Variants in HOMER1 observed in about 807,000 individuals in gnomAD.
The protein encoded by HOMER1 is homer protein homolog 1.
In HOMER1, 3 loss-of-function variants were observed where a neutral mutation model predicts 48.9. The observed-to-expected ratio is 0.06, with a 90% CI of 0.03 to 0.16. The LOEUF is 0.16. HOMER1 is among the 10% of genes least tolerant of loss of function. The pLI is 1.00. For missense variants in HOMER1, 247 were observed against 411.4 expected, an observed-to-expected ratio of 0.60 and a Z score of 3.46; for synonymous variants, 134 against 146.4, an observed-to-expected ratio of 0.92 and a Z score of 0.61.
chr5:79,480,268 T>C (rs1415576883), intron 1 of HOMER1, among the ~76,000 whole-genome samples: 1 of 152,202 alleles, frequency 6.6e-6, no homozygotes, highest in Non-Finnish European at 1.5e-5. Context: ...AAAAACATTT[T>C]GTTGAATTCC....
At chr5:79,454,971 A>T (rs1004407456) in intron 2 of HOMER1, among the ~76,000 whole-genome samples, 2 of 151,990 alleles carry the variant, frequency 1.3e-5, no homozygotes, top group African/African-American at 4.8e-5. Flanking sequence ...TGAGGCATAC[A>T]GTTTTTTTTT....
At chr5:79,446,731 C>G (rs1750892033) in intron 4 of HOMER1, among the ~76,000 whole-genome samples, 1 of 151,748 alleles carries the variant, frequency 6.6e-6, no homozygotes, top group African/African-American at 2.4e-5. Flanking sequence ...CCTCGACCTC[C>G]CAGTCAAGTG....
At chr5:79,494,496 C>G (rs921181236) in intron 1 of HOMER1, among the ~76,000 whole-genome samples, 2 of 152,210 alleles carry the variant, frequency 1.3e-5, no homozygotes, top group African/African-American at 4.8e-5. Context: ...CTCTTGAATT[C>G]AAGCCTTGTT....
chr5:79,423,781 C>A (rs1285889327), intron 5 of HOMER1, among the ~76,000 whole-genome samples: 2 of 151,986 alleles, frequency 1.3e-5, no homozygotes, highest in African/African-American at 2.4e-5. Context: ...CTGACCACCC[C>A]TTTTACTTAA....
chr5:79,456,140 C>T (rs922219796), intron 2 of HOMER1, among the ~76,000 whole-genome samples: 23 of 124,846 alleles, frequency 1.8e-4, no homozygotes, highest in African/African-American at 5.4e-4. Flanking sequence ...AGCAAGACTC[C>T]GTCTCAAAAA....
At chr5:79,457,693 A>C (rs1421290995) in intron 1 of HOMER1, among the ~76,000 whole-genome samples, 1 of 152,202 alleles carries the variant, frequency 6.6e-6, no homozygotes, top group East Asian at 1.9e-4. Context: ...CACATAAAAC[A>C]TAGTTATGTA....
intron 1 of HOMER1, among the ~76,000 whole-genome samples, chr5:79,466,275 G>A (rs193283994): frequency 2.0e-5 from 3 of 151,912 alleles, no homozygotes; most frequent in Admixed American, 6.6e-5. Context: ...CAGCACTTTC[G>A]GAGGCTGAGA....
intron 6 of HOMER1, among the ~76,000 whole-genome samples, chr5:79,401,287 T>C (rs1749530401): frequency 6.6e-6 from 1 of 152,180 alleles, no homozygotes; most frequent in African/African-American, 2.4e-5. Context: ...TCAGTGCAAC[T>C]ACATGCCAAT....
intron 1 of HOMER1, among the ~76,000 whole-genome samples, chr5:79,458,631 T>C (rs765615040): frequency 1.3e-5 from 2 of 152,080 alleles, no homozygotes; most frequent in Non-Finnish European, 1.5e-5. Context: ...ACCTGGCACT[T>C]TCCTAGTTTT....
chr5:79,400,889 C>T (rs1326983878), intron 6 of HOMER1, among the ~76,000 whole-genome samples: 2 of 138,748 alleles, frequency 1.4e-5, no homozygotes, highest in Admixed American at 1.5e-4. Context: ...GGACTACAGG[C>T]GTGTGTCCCC....
chr5:79,460,194 T>C (rs6892339), intron 1 of HOMER1, among the ~76,000 whole-genome samples: 96,169 of 151,930 alleles, frequency 0.63, 33,645 homozygotes, highest in East Asian at 0.99. Flanking sequence ...GGGCCACGTG[T>C]GGTGGCTCAC....
intron 5 of HOMER1, among the ~76,000 whole-genome samples, chr5:79,409,050 C>T (rs1396475647): frequency 2.3e-5 from 3 of 131,412 alleles, no homozygotes; most frequent in African/African-American, 3.2e-5. Flanking sequence ...CCACTGCACT[C>T]CAGCCTGGTT....
chr5:79,447,217 G>T, intron 3 of HOMER1, 72 bp from the exon 4 acceptor site: 1 of 890,680 alleles, frequency 1.1e-6, no homozygotes, highest in Non-Finnish European at 1.8e-6. Flanking sequence ...CCTTAGTAAA[G>T]TTATTCATTT....
At chr5:79,483,956 G>T (rs1478326002) in intron 1 of HOMER1, among the ~76,000 whole-genome samples, 3 of 149,000 alleles carry the variant, frequency 2.0e-5, no homozygotes, top group African/African-American at 7.5e-5. Flanking sequence ...TGAAGCAGGA[G>T]AGTTGCTTGA....
At chr5:79,417,344 G>A (rs543611410) in intron 5 of HOMER1, among the ~76,000 whole-genome samples, 1 of 152,010 alleles carries the variant, frequency 6.6e-6, no homozygotes, top group Non-Finnish European at 1.5e-5. Flanking sequence ...GGGTTTCACC[G>A]TGTTAGCCAG....
rs1349080228 is a variant in HOMER1, at chr5:79,379,115, A to ATATATAT, written c.877-2919_877-2918insATATATA. Among the ~76,000 whole-genome samples the ATATATAT allele has an allele frequency of 3.7e-3, 203 of 55,588 alleles. 19 individuals carry two copies. Among genetic ancestry groups the ATATATAT allele is most frequent in the East Asian group, 6.4e-3 (19 of 2,978 alleles). 36.5% of individuals were successfully genotyped at this position (55,588 alleles called of 152,430 possible). ...ATATATATATATATATATATATATA[A>ATATATAT]AATATATAAATATTTATTTATATAT... is the stretch of plus-strand genomic sequence containing the variant. On this transcript the variant is annotated intron_variant, in intron 8 of 8. Transcript: ENST00000334082.
At chr5:79,481,058 TCTAA>T (rs1751931413) in intron 1 of HOMER1, among the ~76,000 whole-genome samples, 1 of 152,360 alleles carries the variant, frequency 6.6e-6, no homozygotes, top group South Asian at 2.1e-4. Context: ...TACAGATCTA[TCTAA>T]AACACATTTA....
intron 5 of HOMER1, among the ~76,000 whole-genome samples, chr5:79,428,231 T>C (rs910748969): frequency 6.6e-6 from 1 of 152,062 alleles, no homozygotes; most frequent in East Asian, 1.9e-4. Flanking sequence ...CATTAATCAA[T>C]AGGAACAAAC....
chr5:79,512,641 T>C (rs578070423), intron 1 of HOMER1, 129 bp downstream of exon 1: 15 of 840,446 alleles, frequency 1.8e-5, no homozygotes, highest in African/African-American at 1.7e-4. Context: ...CATGCCTATT[T>C]CTTTAAAGTA....
Sources: allele counts gnomAD v4.1 joint callset (sites outside exome capture counted in the v4.1 genomes callset), GRCh38; gene constraint gnomAD v4.1.1; transcripts MANE v1.5; gene names NCBI Gene and HGNC (gene_info 2026-07-23, HGNC 2026-07-21).